Variants in ABCA13 observed in about 807,000 individuals in gnomAD.
ABCA13 encodes ATP-binding cassette sub-family A member 13.
In ABCA13, 476 loss-of-function variants were observed where a neutral mutation model predicts 478.7. The observed-to-expected ratio is 0.99, with a 90% CI of 0.92 to 1.07. The LOEUF (loss-of-function observed/expected upper bound fraction) is 1.07. Among genes scored for constraint, ABCA13 ranks in the 50% least tolerant of loss-of-function variants. The pLI is 0.00. For missense variants in ABCA13, 6,060 were observed against 5,910.6 expected (o/e 1.03, Z -0.83); for synonymous variants, 2,252 against 2,158.9 (o/e 1.04, Z -1.20).
chr7:48,600,087 A>G (rs1221282035), intron 58 of ABCA13, among the ~76,000 whole-genome samples: 1 of 152,068 alleles, frequency 6.6e-6, no homozygotes, highest in Admixed American at 6.6e-5. Flanking sequence ...TGCTTCATAT[A>G]TTTGGAGTCT....
chr7:48,480,833 A>G (rs1240882607), intron 45 of ABCA13, among the ~76,000 whole-genome samples: 1 of 152,250 alleles, frequency 6.6e-6, no homozygotes, highest in Non-Finnish European at 1.5e-5. Flanking sequence ...AATTGACTGC[A>G]TAAGTCACAG....
intron 1 of ABCA13, among the ~76,000 whole-genome samples, chr7:48,180,517 T>G (rs1405207170): frequency 6.6e-6 from 1 of 152,084 alleles, no homozygotes; most frequent in African/African-American, 2.4e-5. Flanking sequence ...GCCTCCTGGG[T>G]TCAAACAACT....
intron 42 of ABCA13, among the ~76,000 whole-genome samples, chr7:48,454,286 A>C (rs1205994374): frequency 6.6e-6 from 1 of 152,190 alleles, no homozygotes; most frequent in Non-Finnish European, 1.5e-5. Context: ...CAGTGGACAG[A>C]AAAGCTGCTC....
intron 23 of ABCA13, among the ~76,000 whole-genome samples, chr7:48,301,839 T>C (rs1256540899): frequency 6.6e-6 from 1 of 151,942 alleles, no homozygotes; most frequent in Non-Finnish European, 1.5e-5. Flanking sequence ...TTTGTTGTCC[T>C]ACCAGAGTAT....
At chr7:48,390,952 A>G (rs1161897023) in intron 37 of ABCA13, among the ~76,000 whole-genome samples, 2 of 152,194 alleles carry the variant, frequency 1.3e-5, no homozygotes, top group Admixed American at 1.3e-4. Flanking sequence ...TGTAAATACT[A>G]AGGAGTGGAT....
At chr7:48,376,290 A>G (rs1813468119) in intron 34 of ABCA13, 151 bp from the exon 35 acceptor site, 4 of 832,110 alleles carry the variant, frequency 4.8e-6, no homozygotes, top group Non-Finnish European at 7.1e-6. Flanking sequence ...TTAACATTTC[A>G]TGAAAAGTTA....
chr7:48,447,331 T>C (rs1054338867), intron 42 of ABCA13, among the ~76,000 whole-genome samples: 1 of 152,174 alleles, frequency 6.6e-6, no homozygotes, highest in African/African-American at 2.4e-5. Context: ...TAGGGCATCT[T>C]GAACTGGCTC....
At chr7:48,332,017 C>G (rs973056844) in intron 27 of ABCA13, among the ~76,000 whole-genome samples, 1 of 152,176 alleles carries the variant, frequency 6.6e-6, no homozygotes, top group Admixed American at 6.5e-5. Context: ...TTGGGATTGA[C>G]TTTTTAAACT....
At chr7:48,372,959 C>A (rs1812891764) in intron 33 of ABCA13, among the ~76,000 whole-genome samples, 1 of 152,160 alleles carries the variant, frequency 6.6e-6, no homozygotes, top group South Asian at 2.1e-4. Flanking sequence ...TATGATAACA[C>A]TTTCAGGTCT....
intron 48 of ABCA13, among the ~76,000 whole-genome samples, chr7:48,501,884 C>T (rs1229355368): frequency 6.6e-6 from 1 of 152,274 alleles, no homozygotes; most frequent in East Asian, 1.9e-4. Context: ...GAGAGAGACA[C>T]ATACCTGTGA....
At chr7:48,578,867 CA>C (rs1159831709) in intron 55 of ABCA13, among the ~76,000 whole-genome samples, 1 of 152,156 alleles carries the variant, frequency 6.6e-6, no homozygotes, top group Non-Finnish European at 1.5e-5. Flanking sequence ...GACAAAAGAA[CA>C]AAGGCAACCA....
At chr7:48,363,369 AG>A (rs1811183912) in intron 31 of ABCA13, among the ~76,000 whole-genome samples, 1 of 152,124 alleles carries the variant, frequency 6.6e-6, no homozygotes, top group Admixed American at 6.6e-5. Context: ...AATTTTGGCA[AG>A]CTGCCAGTAG....
At chr7:48,414,977 T>A (rs917116870) in intron 41 of ABCA13, among the ~76,000 whole-genome samples, 1 of 152,170 alleles carries the variant, frequency 6.6e-6, no homozygotes, top group African/African-American at 2.4e-5. Context: ...TCACCTTTCC[T>A]CCAGGAATTT....
chr7:48,346,350 CT>C (rs559533909), intron 29 of ABCA13, among the ~76,000 whole-genome samples: 123 of 152,256 alleles, frequency 8.1e-4, no homozygotes, highest in African/African-American at 2.8e-3. Context: ...TGTTTAACAT[CT>C]GCTGTTTTAT....
chr7:48,346,396 G>A (rs1808108120), intron 29 of ABCA13, among the ~76,000 whole-genome samples: 1 of 151,908 alleles, frequency 6.6e-6, no homozygotes, highest in Admixed American at 6.6e-5. Context: ...TGCTAGGCAA[G>A]CTTATAGTGC....
At chr7:48,537,736 C>CAGCAGGTGATCAGGGGTGACTCAGGACAG (rs1243273878) in intron 55 of ABCA13, among the ~76,000 whole-genome samples, 6 of 152,028 alleles carry the variant, frequency 3.9e-5, no homozygotes, top group African/African-American at 1.2e-4. Flanking sequence ...ACTCAGGTTG[C>CAGCAGGTGATCAGGGGTGACTCAGGACAG]AGCAGGTGAT....
intron 3 of ABCA13, among the ~76,000 whole-genome samples, chr7:48,217,459 G>A (rs188202911): frequency 4.9e-4 from 75 of 152,210 alleles, no homozygotes; most frequent in Non-Finnish European, 7.9e-4. Flanking sequence ...CACCACTGCC[G>A]CTTCTCTTCC....
intron 42 of ABCA13, among the ~76,000 whole-genome samples, chr7:48,437,336 C>A (rs1216428882): frequency 1.1e-4 from 16 of 152,020 alleles, no homozygotes; most frequent in African/African-American, 3.9e-4. Flanking sequence ...AGAATAGCCA[C>A]CCTTCTGCCT....
intron 27 of ABCA13, among the ~76,000 whole-genome samples, chr7:48,333,297 T>C (rs1368554005): frequency 6.6e-6 from 1 of 152,204 alleles, no homozygotes; most frequent in Non-Finnish European, 1.5e-5. Context: ...CATGTGGTTC[T>C]TTTTTATAAT....
Sources: gnomAD v4.1 joint callset for allele counts (sites outside exome capture counted in the v4.1 genomes callset) on GRCh38, gnomAD v4.1.1 for gene constraint, MANE v1.5 for transcripts, NCBI Gene and HGNC (gene_info 2026-07-23, HGNC 2026-07-21) for gene names.